The following ACO2 variants were observed in gnomAD, a reference collection of about 807,000 sequenced individuals.
The protein encoded by ACO2 is aconitase 2, also known as aconitate hydratase, mitochondrial.
Under a neutral mutation model 84.5 loss-of-function variants are expected in ACO2, and 31 were observed. The observed-to-expected ratio is 0.37, with a 90% CI of 0.28 to 0.50. The LOEUF is 0.50. ACO2 is among the 20% of genes least tolerant of loss of function. ACO2 has a pLI of 0.97. For synonymous variants in ACO2, 414 were observed against 412.7 expected (o/e 1.00, Z -0.04); for missense variants, 685 against 1,029.3 (o/e 0.67, Z 4.58).
At chr22:41,527,450 T>G (rs750016738) in intron 16 of ACO2, 30 bp downstream of exon 16, 1 of 1,587,890 alleles carries the variant, frequency 6.3e-7, no homozygotes, top group Admixed American at 1.7e-5. Context: ...CAGGCCATCC[T>G]CATCCCATCC....
At chr22:41,516,791 C>G (rs148786944) in intron 6 of ACO2, among the ~76,000 whole-genome samples, 117 of 152,270 alleles carry the variant, frequency 7.7e-4, no homozygotes, top group African/African-American at 2.8e-3. Flanking sequence ...GGTGCAATCT[C>G]GGCTCACTAC....
intron 12 of ACO2, among the ~76,000 whole-genome samples, chr22:41,524,312 C>T (rs2066556951): frequency 1.3e-5 from 2 of 152,208 alleles, no homozygotes; most frequent in Non-Finnish European, 2.9e-5. Context: ...GTTTCCAACC[C>T]CAGGTAGGAG....
chr22:41,527,107 G>C, intron 15 of ACO2, 181 bp from the exon 16 acceptor site: 1 of 859,604 alleles, frequency 1.2e-6, no homozygotes, highest in Non-Finnish European at 1.8e-6. Flanking sequence ...CCTCGTTTGG[G>C]TCTCATTCAC....
chr22:41,491,582 C>T (rs2066271923), intron 1 of ACO2, among the ~76,000 whole-genome samples: 1 of 152,138 alleles, frequency 6.6e-6, no homozygotes, highest in East Asian at 1.9e-4. Flanking sequence ...TTAAAACTGT[C>T]TGCAGTAAGA....
chr22:41,483,533 T>A (rs1362902832), intron 1 of ACO2, among the ~76,000 whole-genome samples: 2 of 151,960 alleles, frequency 1.3e-5, no homozygotes, highest in Non-Finnish European at 2.9e-5. Context: ...GGTGCATGCC[T>A]GTAATCCCAG....
At chr22:41,482,067 C>T (rs2038094405) in intron 1 of ACO2, among the ~76,000 whole-genome samples, 1 of 152,200 alleles carries the variant, frequency 6.6e-6, no homozygotes, top group Non-Finnish European at 1.5e-5. Flanking sequence ...CTTGCCTAGC[C>T]GTGTGGTGCC....
In ACO2 at chr22:41,518,356, T is replaced by C; in HGVS notation, c.941-125T>C. The stretch of plus-strand genomic sequence containing the variant: ...GGGCAGAGACAGCAGCCTTGGTTTC[T>C]TCATTGGCCTAGTCAGTGCCCAGGG... On this transcript the variant is annotated intron_variant, in intron 7 of 17. Transcript: ENST00000216254. 4.3e-6 allele frequency: 3 copies of C among 703,604 alleles called. 1 individual carries two copies. The South Asian group carries it at 4.9e-5, about 11-fold the overall frequency. The allele number at this position is 703,604 out of a possible 1,614,324, so 43.6% of individuals were successfully genotyped here.
At chr22:41,516,382 C>T (rs752886407) in intron 6 of ACO2, among the ~76,000 whole-genome samples, 5 of 152,206 alleles carry the variant, frequency 3.3e-5, no homozygotes, top group Admixed American at 6.5e-5. Flanking sequence ...GGTGCCTGTC[C>T]GCCTCCAAGA....
chr22:41,528,374 T>C, intron 17 of ACO2, 105 bp from the exon 18 acceptor site: 1 of 1,484,282 alleles, frequency 6.7e-7, no homozygotes, highest in East Asian at 2.3e-5. Flanking sequence ...GTTTGCCTGC[T>C]GACCTCTTAG....
At chr22:41,525,702 C>T in intron 14 of ACO2, 1 of 279,408 alleles carries the variant, frequency 3.6e-6, no homozygotes, top group Non-Finnish European at 6.8e-6. Flanking sequence ...CTGGCACGTC[C>T]ACACAGGCTC....
At chr22:41,469,386 G>A in intron 1 of ACO2, 1 of 520,838 alleles carries the variant, frequency 1.9e-6, no homozygotes, top group South Asian at 3.0e-5. Flanking sequence ...TCCTGGCCCT[G>A]TCCCTGCCTC....
Position 41,515,353 on chromosome 22 carries a change from A to G in ACO2, c.526-24A>G, listed in dbSNP as rs746370613. ...TATTCTCGGCTGAGGGCTTCTAAAT[A>G]TAACATCTTGGATTATTTTTCAGAT... is the stretch of plus-strand genomic sequence containing the variant. On this transcript the variant is annotated intron_variant, in intron 4 of 17. Coordinates refer to ENST00000216254, the MANE Select transcript of ACO2 (RefSeq NM_001098.3). The surrounding 1 kb of genome is among the most constrained non-coding windows in gnomAD (Gnocchi z 5.8). 1.2e-6 allele frequency: 2 copies of G among 1,611,970 alleles called. No homozygotes were observed. The highest frequency in any genetic ancestry group is 1.7e-6 in the Non-Finnish European group (2 of 1,179,840).
chr22:41,509,138 T>C (rs2066415865), intron 3 of ACO2, among the ~76,000 whole-genome samples: 1 of 152,174 alleles, frequency 6.6e-6, no homozygotes, highest in Non-Finnish European at 1.5e-5. Context: ...TGCCGGGAAC[T>C]GCACATGGCC....
At chr22:41,513,089 C>T (rs935832049) in intron 4 of ACO2, among the ~76,000 whole-genome samples, 4 of 152,168 alleles carry the variant, frequency 2.6e-5, no homozygotes, top group South Asian at 4.1e-4. Flanking sequence ...GAAGGGGCTG[C>T]GTGGAATGGC....
intron 1 of ACO2, among the ~76,000 whole-genome samples, chr22:41,490,723 T>C (rs1166019883): frequency 6.6e-6 from 1 of 152,218 alleles, no homozygotes; most frequent in Non-Finnish European, 1.5e-5. Flanking sequence ...CTAAGACTGA[T>C]AAAGTATTGA....
chr22:41,525,984 G>A, intron 14 of ACO2: 1 of 378,052 alleles, frequency 2.6e-6, no homozygotes, highest in Non-Finnish European at 4.8e-6. Context: ...CCTGAAGGGT[G>A]AGCGAACATT....
intron 2 of ACO2, among the ~76,000 whole-genome samples, chr22:41,503,206 GCTTA>G (rs1282399813): frequency 6.6e-6 from 1 of 151,300 alleles, no homozygotes; most frequent in Non-Finnish European, 1.5e-5. Context: ...ATTTTTCCTT[GCTTA>G]CTTTTATTCC....
chr22:41,512,214 C>T (rs1030399930), intron 4 of ACO2: 19 of 425,062 alleles, frequency 4.5e-5, no homozygotes, highest in African/African-American at 6.3e-5. Flanking sequence ...ATTTTAAGTG[C>T]GACATGTTTC....
At chr22:41,524,596 C>T (rs2066560836) in intron 12 of ACO2, among the ~76,000 whole-genome samples, 2 of 152,230 alleles carry the variant, frequency 1.3e-5, no homozygotes, top group Admixed American at 1.3e-4. Context: ...GAGAGAACAG[C>T]ACTGCCGGCC....
Sources: allele counts gnomAD v4.1 joint callset (sites outside exome capture counted in the v4.1 genomes callset), GRCh38; gene constraint gnomAD v4.1.1; non-coding constraint Gnocchi (gnomAD v3.1); transcripts MANE v1.5; gene names NCBI Gene and HGNC (gene_info 2026-07-23, HGNC 2026-07-21).